Variants in MYO7A observed in about 807,000 individuals in gnomAD.
The protein encoded by MYO7A is myosin VIIA, also known as unconventional myosin-VIIa.
A neutral mutation model predicts 263.8 loss-of-function variants in MYO7A; 210 were observed. The observed-to-expected ratio is 0.80, with a 90% CI of 0.71 to 0.89. The LOEUF is 0.89. Among genes scored for constraint, MYO7A ranks in the 40% least tolerant of loss-of-function variants. The pLI, the probability that MYO7A is intolerant of heterozygous loss-of-function variation, is 0.00. For synonymous variants in MYO7A, 1,239 were observed against 1,197.3 expected (o/e 1.03, Z -0.72); for missense variants, 2,820 against 2,968.3 (o/e 0.95, Z 1.16).
At position 77,215,201 on chromosome 11, in the gene MYO7A, C is replaced by G. The variant is rs1958062957; in HGVS notation, c.*505C>G. 1 of 159,284 alleles carries G rather than the reference C, an allele frequency of 6.3e-6. No homozygotes were observed. The highest frequency in any genetic ancestry group is 1.4e-5 in the Non-Finnish European group (1 of 72,494). 9.9% of individuals were successfully genotyped at this position (159,284 alleles called of 1,614,324 possible). Reference sequence around the variant, plus strand: ...TGCTGGGCCCCTGCTCAAGTCTACCCTGATCACCTCAGGGCATAAAGCATG... The same window carrying G: ...TGCTGGGCCCCTGCTCAAGTCTACCGTGATCACCTCAGGGCATAAAGCATG... On this transcript the variant is annotated 3_prime_UTR_variant, in exon 49 of 49. Transcript: ENST00000409709.
Position 77,138,245 on chromosome 11 carries a change from G to A in MYO7A, c.19-4464G>A, listed in dbSNP as rs1555048466. On this transcript the variant is annotated intron_variant, in intron 2 of 48. Transcript: ENST00000409709. This position sits in a 1 kb window ranked among gnomAD's most constrained non-coding sequence, Gnocchi z 4.9. ...GGCCCGGTTTAGGGTTCCGGGGCGG[G>A]CGGCGCGCACGGGATTAGGTGAATT... Among the ~76,000 whole-genome samples the A allele has an allele frequency of 6.6e-6, 1 of 151,968 alleles. No individual in the cohort carries two copies. Among genetic ancestry groups the A allele is most frequent in the Admixed American group, 6.5e-5 (1 of 15,278 alleles).
At chr11:77,162,013 T>C (rs1953046078) in intron 12 of MYO7A, 107 bp from the exon 13 acceptor site, 3 of 1,021,526 alleles carry the variant, frequency 2.9e-6, no homozygotes, top group Non-Finnish European at 4.4e-6. Flanking sequence ...GAGTCCATGA[T>C]GGGGATAGCT....
intron 3 of MYO7A, among the ~76,000 whole-genome samples, chr11:77,143,244 A>G (rs931667779): frequency 2.0e-5 from 3 of 152,234 alleles, no homozygotes; most frequent in Non-Finnish European, 4.4e-5. Context: ...AAATGAGGAT[A>G]ATAATACGTA....
At chr11:77,136,097 A>G (rs539807426) in intron 2 of MYO7A, among the ~76,000 whole-genome samples, 1 of 152,306 alleles carries the variant, frequency 6.6e-6, no homozygotes, top group East Asian at 1.9e-4. Flanking sequence ...AAACTCTCTC[A>G]GCTTTTGTTT....
At chr11:77,135,608 T>C (rs781995885) in intron 2 of MYO7A, among the ~76,000 whole-genome samples, 7 of 152,268 alleles carry the variant, frequency 4.6e-5, no homozygotes, top group Admixed American at 6.5e-5. Context: ...TGCTGGGTCA[T>C]ATGGTAATTC....
At chr11:77,201,678 T>C (rs1957074082) in intron 36 of MYO7A, 40 bp downstream of exon 36, 1 of 1,590,878 alleles carries the variant, frequency 6.3e-7, no homozygotes, top group South Asian at 1.1e-5. Flanking sequence ...GGAGGTGCCA[T>C]TAGACCCCTC....
Position 77,190,732 on chromosome 11 carries a change from G to T in MYO7A, c.3786G>T (p.Val1262=). Residue 1262 remains valine (V), a synonymous_variant, in exon 30 of 49, where the codon GTG becomes GTT. Coordinates refer to ENST00000409709, the MANE Select transcript of MYO7A (RefSeq NM_000260.4). ...TKSKKPIMLP[V]TFMDGTTKTL... is the part of the protein sequence containing the mutation. ...CCAAGAAGCCAATCATGTTGCCCGT[G>T]ACATTCATGGATGGGACCACCAAGA... The T allele has an allele frequency of 1.3e-6, 2 of 1,599,070 alleles. No homozygotes were observed. The highest frequency in any genetic ancestry group is 2.3e-5 in the South Asian group (2 of 87,746).
chr11:77,195,527 T>C (rs192091517), intron 32 of MYO7A, among the ~76,000 whole-genome samples: 2 of 152,378 alleles, frequency 1.3e-5, no homozygotes, highest in Non-Finnish European at 2.9e-5. Context: ...TGGCATATGG[T>C]ACGTCCTGGG....
intron 19 of MYO7A, among the ~76,000 whole-genome samples, chr11:77,178,665 A>ACTTAGG (rs1298360600): frequency 8.5e-5 from 13 of 152,270 alleles, no homozygotes; most frequent in Non-Finnish European, 1.6e-4. Flanking sequence ...AGGGTCAGTC[A>ACTTAGG]GAAGACATGG....
At chr11:77,211,688 C>T in intron 45 of MYO7A, 133 bp from the exon 46 acceptor site, 1 of 684,672 alleles carries the variant, frequency 1.5e-6, no homozygotes, top group Non-Finnish European at 2.5e-6. Flanking sequence ...TGTCCTAGTC[C>T]TGGCCCTGAG....
Position 77,192,191 on chromosome 11 carries a change from C to T in MYO7A, c.4065C>T (p.His1355=). The change falls in exon 31 of 49, where the codon CAC becomes CAT. Residue 1355 remains histidine (H), a synonymous_variant. Coordinates refer to ENST00000409709, the MANE Select transcript of MYO7A (RefSeq NM_000260.4). Reference sequence around the variant, plus strand: ...GCAAAGAGGTCTTCACGCCCTGGCACAGCCCCTCCGAGGACAACGTGGCCA... The same window carrying T: ...GCAAAGAGGTCTTCACGCCCTGGCATAGCCCCTCCGAGGACAACGTGGCCA... ...FFRKEVFTPW[H]SPSEDNVATN... The T allele has an allele frequency of 6.2e-7, 1 of 1,614,052 alleles. No homozygotes were observed.
intron 2 of MYO7A, among the ~76,000 whole-genome samples, chr11:77,132,095 C>CTA (rs797038045): frequency 6.6e-5 from 10 of 152,150 alleles, no homozygotes; most frequent in African/African-American, 2.4e-4. Flanking sequence ...CCCTCTCCTC[C>CTA]TCTCTTCCTG....
rs1954946564 is a variant in MYO7A, at chr11:77,179,242, C to CCTGCCA, written c.2367+119_2367+124dup. On this transcript the variant is annotated intron_variant, in intron 20 of 48. Coordinates refer to ENST00000409709, the MANE Select transcript of MYO7A (RefSeq NM_000260.4). Reference sequence around the variant, plus strand: ...CAGCACAGCCTGGCCTCGTTGGCCTCCTGCCACTGCCCTGGCCAGCCACTA... The same window carrying CCTGCCA: ...CAGCACAGCCTGGCCTCGTTGGCCTCCTGCCACTGCCACTGCCCTGGCCAGCCACTA... 3.4e-6 allele frequency: 3 copies of CCTGCCA among 874,216 alleles called. No individual in the cohort carries two copies. In the African/African-American group the frequency reaches 5.0e-5, roughly 15 times the overall value. The allele number at this position is 874,216 out of a possible 1,614,324, so 54.2% of individuals were successfully genotyped here.
intron 19 of MYO7A, 59 bp from the exon 20 acceptor site, chr11:77,178,986 C>A: frequency 6.9e-7 from 1 of 1,442,380 alleles, no homozygotes; most frequent in Non-Finnish European, 9.5e-7. Flanking sequence ...GATCCCAAAC[C>A]CACCTGTACC....
At chr11:77,158,553 C>T (rs1591279125) in intron 9 of MYO7A, 123 bp downstream of exon 9, 2 of 1,254,070 alleles carry the variant, frequency 1.6e-6, no homozygotes, top group Admixed American at 2.7e-5. Flanking sequence ...GGGATGGAAG[C>T]TGGGAAGAAT....
rs1189921000 is a variant in MYO7A at position 77,214,914 on chromosome 11, TG to T, written c.*221del. 1.9e-6 allele frequency: 1 copy of T among 540,064 alleles called. No homozygotes were observed. Among genetic ancestry groups the T allele is most frequent in the East Asian group, 3.1e-5 (1 of 32,718 alleles). 33.5% of individuals were successfully genotyped at this position (540,064 alleles called of 1,614,324 possible). On this transcript the variant is annotated 3_prime_UTR_variant, in exon 49 of 49. Transcript: ENST00000409709. ...TCCCTCCATCCACCCCTCTGGCACC[TG>T]GGTTGGTCTAATCCTAGTTTGCTGT...
intron 14 of MYO7A, among the ~76,000 whole-genome samples, chr11:77,165,680 T>A (rs1555072060): frequency 6.6e-6 from 1 of 152,174 alleles, no homozygotes; most frequent in Non-Finnish European, 1.5e-5. Context: ...AATATTAGCT[T>A]GTACCAGATC....
At chr11:77,189,793 G>A (rs1284600521) in intron 28 of MYO7A, among the ~76,000 whole-genome samples, 3 of 152,236 alleles carry the variant, frequency 2.0e-5, no homozygotes, top group Non-Finnish European at 4.4e-5. Flanking sequence ...CCGACTGGCT[G>A]GTGCTGTGAA....
chr11:77,160,054 T>TG (rs1233504148), intron 10 of MYO7A, 109 bp from the exon 11 acceptor site: 2 of 1,451,246 alleles, frequency 1.4e-6, no homozygotes, highest in Non-Finnish European at 1.8e-6. Flanking sequence ...GCGTGCTTAG[T>TG]GGAGGCAGTG....
Sources: allele counts gnomAD v4.1 joint callset (sites outside exome capture counted in the v4.1 genomes callset), GRCh38; gene constraint gnomAD v4.1.1; non-coding constraint Gnocchi (gnomAD v3.1); transcripts MANE v1.5; gene names NCBI Gene and HGNC (gene_info 2026-07-23, HGNC 2026-07-21).